The following MUC17 variants were observed in gnomAD, a reference collection of about 807,000 sequenced individuals.
MUC17 encodes mucin 17, cell surface associated, also known as mucin-17.
Under a neutral mutation model 170.3 loss-of-function variants are expected in MUC17, and 190 were observed. The ratio of observed to expected loss-of-function variants is 1.12; its 90% CI spans 0.99 to 1.26. The LOEUF is 1.26. Among genes scored for constraint, MUC17 ranks in the 50% most tolerant of loss-of-function variants. The pLI, the probability that MUC17 is intolerant of heterozygous loss-of-function variation, is 0.00. For synonymous variants in MUC17, 2,325 were observed against 2,002.5 expected (o/e 1.16, Z -4.30); for missense variants, 6,415 against 5,530.0 (o/e 1.16, Z -5.08).
chr7:101,031,833 T>C lies in MUC17; in HGVS notation c.417T>C (p.Pro139=), dbSNP rs766732211. 3.7e-6 allele frequency: 6 copies of C among 1,614,120 alleles called. No homozygotes were observed. In the South Asian group the frequency reaches 5.5e-5, roughly 15 times the overall value. The change falls in exon 3 of 13, where the codon CCT becomes CCC. Residue 139 remains proline (P), a synonymous_variant. Transcript: ENST00000306151. ...FPSSTEDTSS[P]TTPEGTDVPM... is the part of the protein sequence containing the mutation. ...GTTCTACTGAAGACACTTCATCTCC[T>C]ACAACTCCTGAAGGCACCGACGTGC...
intron 1 of MUC17, among the ~76,000 whole-genome samples, chr7:101,020,543 C>G (rs148276725): frequency 6.6e-6 from 1 of 152,046 alleles, no homozygotes; most frequent in East Asian, 1.9e-4. Flanking sequence ...GCTCCCCCCC[C>G]GAGGCATGAT....
At chr7:101,051,509 C>G in intron 7 of MUC17, 104 bp from the exon 8 acceptor site, 2 of 1,111,250 alleles carry the variant, frequency 1.8e-6, no homozygotes. Flanking sequence ...TTCCCACCTC[C>G]CCATCGCAGC....
chr7:101,050,931 G>T (rs1291103517), intron 7 of MUC17, among the ~76,000 whole-genome samples: 1 of 152,048 alleles, frequency 6.6e-6, no homozygotes, highest in Non-Finnish European at 1.5e-5. Context: ...AACCTGCAAG[G>T]CCAGACATAC....
chr7:101,058,167 C>T lies in MUC17; in HGVS notation c.*123C>T, dbSNP rs1338602698. On this transcript the variant is annotated 3_prime_UTR_variant, in exon 13 of 13. Coordinates refer to ENST00000306151, the MANE Select transcript of MUC17 (RefSeq NM_001040105.2). ...TCCCATTGTAAGTACAGGAAACAAG[C>T]CCTGTACTTACCAAGGAGAAAGAGG... is the stretch of plus-strand genomic sequence containing the variant. 1.2e-6 allele frequency: 1 copy of T among 854,372 alleles called. No homozygotes were observed. The highest frequency in any genetic ancestry group is 1.9e-6 in the Non-Finnish European group (1 of 524,944). 52.9% of individuals were successfully genotyped at this position (854,372 alleles called of 1,614,324 possible).
Position 101,042,949 on chromosome 7 carries a change from C to T in MUC17, c.11533C>T (p.Pro3845Ser). 6.2e-7 allele frequency: 1 copy of T among 1,614,164 alleles called. No homozygotes were observed. Among genetic ancestry groups the T allele is most frequent in the South Asian group, 1.1e-5 (1 of 91,088 alleles). The part of the protein sequence containing the change: ...LSTPPGDTST[P>S]LLTSTKAGSF... ...AACACCTCCTGGTGATACCAGCACA[C>T]CTTTGCTCACCTCTACCAAAGCCGG... The change falls in exon 3 of 13, where the codon CCT becomes TCT. Residue 3845 changes from proline to serine, a missense_variant. Pro to Ser is a moderately conservative substitution (Grantham distance 74, BLOSUM62 -1). Transcript: ENST00000306151.
Position 101,041,301 on chromosome 7 carries a change from T to G in MUC17, c.9885T>G (p.Ser3295Arg). The G allele has an allele frequency of 6.2e-7, 1 of 1,610,938 alleles. No homozygotes were observed. The highest frequency in any genetic ancestry group is 2.2e-5 in the East Asian group (1 of 44,782). The change falls in exon 3 of 13, where the codon AGT becomes AGG. Residue 3295 changes from serine (S) to arginine (R), a missense_variant. Coordinates refer to ENST00000306151, the MANE Select transcript of MUC17 (RefSeq NM_001040105.2). Reference sequence around the variant, plus strand: ...CTGTCAGCACCACAACGGTGGCCAGTTCTGAAACGAGCACCCTTTCAACAA... The same window carrying G: ...CTGTCAGCACCACAACGGTGGCCAGGTCTGAAACGAGCACCCTTTCAACAA... ...SMPVSTTTVA[S>R]SETSTLSTTP...
chr7:101,048,151 C>T, intron 4 of MUC17, 36 bp downstream of exon 4: 1 of 1,516,506 alleles, frequency 6.6e-7, no homozygotes. Context: ...CACCCCATGC[C>T]CTGGGACCCG....
Position 101,033,832 on chromosome 7 carries a change from C to T in MUC17, c.2416C>T (p.Pro806Ser). Residue 806 changes from proline (P) to serine (S), a missense_variant, in exon 3 of 13, where the codon CCT (proline) becomes TCT (serine). Physicochemically the swap from Pro to Ser is moderately conservative, Grantham distance 74. Coordinates refer to ENST00000306151, the MANE Select transcript of MUC17 (RefSeq NM_001040105.2). ...MPISTPSEGSPLLTSIPVSIT... is the reference protein window; with the variant it reads ...MPISTPSEGSSLLTSIPVSIT... ...AATCTCAACTCCTAGTGAAGGAAGT[C>T]CTTTATTAACAAGTATACCTGTCAG... The T allele has an allele frequency of 2.5e-6, 4 of 1,606,802 alleles. No individual in the cohort carries two copies. The highest frequency in any genetic ancestry group is 1.7e-6 in the Non-Finnish European group (2 of 1,177,682).
rs761214155 is a variant in MUC17, at chr7:101,036,284, T to C, written c.4868T>C (p.Ile1623Thr). 5 of 1,611,672 alleles carry C rather than the reference T, an allele frequency of 3.1e-6. No individual in the cohort carries two copies. Among genetic ancestry groups the C allele is most frequent in the Non-Finnish European group, 3.4e-6 (4 of 1,179,378 alleles). The change falls in exon 3 of 13, where the codon ATC (isoleucine) becomes ACC (threonine). Residue 1623 changes from isoleucine (I) to threonine (T), a missense_variant. Ile to Thr is a moderately conservative substitution (Grantham distance 89). Transcript: ENST00000306151. The stretch of plus-strand genomic sequence containing the variant: ...ACCGCTGAAGGTAGCAGCATGACAA[T>C]CTCAACTCCTAGTGAAGGAAGTCCT... ...STTAEGSSMTISTPSEGSPLL... is the reference protein window; with the variant it reads ...STTAEGSSMTTSTPSEGSPLL...
At chr7:101,023,015 G>A (rs959042138) in intron 1 of MUC17, among the ~76,000 whole-genome samples, 4 of 152,110 alleles carry the variant, frequency 2.6e-5, no homozygotes, top group African/African-American at 9.7e-5. Flanking sequence ...CTGTCCTGGA[G>A]GCCAGAATCT....
chr7:101,056,499 G>A (rs925005060), intron 12 of MUC17, among the ~76,000 whole-genome samples: 5 of 152,274 alleles, frequency 3.3e-5, no homozygotes, highest in South Asian at 2.1e-4. Context: ...CTTCAGGTTC[G>A]GAGGTTTCCT....
chr7:101,037,720 C>A lies in MUC17; in HGVS notation c.6304C>A (p.Pro2102Thr), dbSNP rs768571121. Reference sequence around the variant, plus strand: ...AATCTCAGCTCCTAGTGAAGGAAGTCCTCTACTAACAAGTATACCTCTCAG... The same window carrying A: ...AATCTCAGCTCCTAGTGAAGGAAGTACTCTACTAACAAGTATACCTCTCAG... Reference protein sequence around the residue: ...MTISAPSEGSPLLTSIPLSTT... With the variant: ...MTISAPSEGSTLLTSIPLSTT... The change falls in exon 3 of 13, where the codon CCT becomes ACT. Residue 2102 changes from proline (P) to threonine (T), a missense_variant. Coordinates refer to ENST00000306151, the MANE Select transcript of MUC17 (RefSeq NM_001040105.2). The A allele has an allele frequency of 6.2e-7, 1 of 1,610,356 alleles. No homozygotes were observed. Among genetic ancestry groups the A allele is most frequent in the South Asian group, 1.1e-5 (1 of 90,822 alleles).
At chr7:101,023,899 T>C (rs546130201) in intron 1 of MUC17, among the ~76,000 whole-genome samples, 93 of 152,322 alleles carry the variant, frequency 6.1e-4, no homozygotes, top group African/African-American at 2.1e-3. Flanking sequence ...TGCAGTTTTT[T>C]TTTTTGGCTT....
chr7:101,037,505 G>C lies in MUC17; in HGVS notation c.6089G>C (p.Gly2030Ala). 1 of 1,610,906 alleles carries C rather than the reference G, an allele frequency of 6.2e-7. No individual in the cohort carries two copies. The highest frequency in any genetic ancestry group is 8.5e-7 in the Non-Finnish European group (1 of 1,178,770). Residue 2030 changes from glycine (G) to alanine (A), a missense_variant, in exon 3 of 13, where the codon GGA (glycine) becomes GCA (alanine). Coordinates refer to ENST00000306151, the MANE Select transcript of MUC17 (RefSeq NM_001040105.2). ...GGCAGTTCATCTCCTACAACTGCAG[G>C]AGGTACCAGCATACAAACCTCAACT... is the stretch of plus-strand genomic sequence containing the variant. ...TEGSSSPTTA[G>A]GTSIQTSTPS...
intron 11 of MUC17, among the ~76,000 whole-genome samples, chr7:101,054,730 G>A (rs1287699215): frequency 2.0e-5 from 3 of 152,174 alleles, no homozygotes; most frequent in Admixed American, 2.0e-4. Flanking sequence ...TGAGTCAGGA[G>A]GATCACTTGA....
chr7:101,023,944 A>T (rs74538635), intron 1 of MUC17, among the ~76,000 whole-genome samples: 1 of 151,506 alleles, frequency 6.6e-6, no homozygotes, highest in Non-Finnish European at 1.5e-5. Context: ...GATATATTCT[A>T]TATCTCATTG....
intron 6 of MUC17, 56 bp downstream of exon 6, chr7:101,049,438 T>G: frequency 6.3e-7 from 1 of 1,575,680 alleles, no homozygotes; most frequent in Non-Finnish European, 8.6e-7. Context: ...GTGGTCATAG[T>G]TATAAAGGCA....
rs1794285238 is a variant in MUC17 at position 101,031,806 on chromosome 7, C to T, written c.390C>T (p.Pro130=). Residue 130 remains proline (P), a synonymous_variant, in exon 3 of 13, where the codon CCC becomes CCT. Transcript: ENST00000306151. The part of the protein sequence containing the change: ...ESTSDSTTLF[P]SSTEDTSSPT... ...CCAGTGACAGCACCACACTTTTCCCCAGTTCTACTGAAGACACTTCATCTC... is the reference window on the plus strand; with the variant it reads ...CCAGTGACAGCACCACACTTTTCCCTAGTTCTACTGAAGACACTTCATCTC... 6.2e-7 allele frequency: 1 copy of T among 1,611,142 alleles called. No homozygotes were observed. Among genetic ancestry groups the T allele is most frequent in the East Asian group, 2.2e-5 (1 of 44,874 alleles).
intron 12 of MUC17, among the ~76,000 whole-genome samples, chr7:101,057,204 C>T (rs1032472421): frequency 9.9e-5 from 15 of 152,190 alleles, no homozygotes; most frequent in African/African-American, 1.4e-4. Flanking sequence ...TGATTAAGGC[C>T]GAGATTGGTC....
Sources: allele counts gnomAD v4.1 joint callset (sites outside exome capture counted in the v4.1 genomes callset), GRCh38; gene constraint gnomAD v4.1.1; transcripts MANE v1.5; gene names NCBI Gene and HGNC (gene_info 2026-07-23, HGNC 2026-07-21).